The following PHF20 variants were observed in gnomAD, a reference collection of about 807,000 sequenced individuals.
PHF20 encodes PHD finger protein 20.
Under a neutral mutation model 113.5 loss-of-function variants are expected in PHF20, and 23 were observed. The ratio of observed to expected loss-of-function variants is 0.20; its 90% CI spans 0.15 to 0.29. The LOEUF is 0.29. Among genes scored for constraint, PHF20 ranks in the 10% least tolerant of loss-of-function variants. PHF20 has a pLI of 1.00. For missense variants in PHF20, 943 were observed against 1,219.6 expected (o/e 0.77, Z 3.38); for synonymous variants, 434 against 457.3 (o/e 0.95, Z 0.65).
chr20:35,812,574 G>T (rs963271687), intron 2 of PHF20, among the ~76,000 whole-genome samples: 34 of 151,926 alleles, frequency 2.2e-4, no homozygotes, highest in African/African-American at 7.7e-4. Context: ...TCTATTTCCC[G>T]TAAACTGGAA....
intron 1 of PHF20, among the ~76,000 whole-genome samples, chr20:35,794,300 C>CA (rs369191805): frequency 0.1 from 9,870 of 95,578 alleles, 722 homozygotes; most frequent in African/African-American, 0.24. Flanking sequence ...AACTCTGTCT[C>CA]AAAAAAAAAA....
intron 2 of PHF20, among the ~76,000 whole-genome samples, chr20:35,826,156 G>T (rs1234568587): frequency 2.0e-5 from 3 of 152,158 alleles, no homozygotes; most frequent in Non-Finnish European, 4.4e-5. Flanking sequence ...GTGATCTCCT[G>T]CCTCAGCCTC....
At chr20:35,830,306 T>C (rs1452808096) in intron 2 of PHF20, among the ~76,000 whole-genome samples, 1 of 152,226 alleles carries the variant, frequency 6.6e-6, no homozygotes, top group Non-Finnish European at 1.5e-5. Flanking sequence ...ACCTCTATTC[T>C]GCTTTCATTA....
chr20:35,803,684 A>G (rs186484215), intron 2 of PHF20, among the ~76,000 whole-genome samples: 288 of 144,378 alleles, frequency 2.0e-3, no homozygotes, highest in African/African-American at 7.0e-3. Context: ...GTATATATAT[A>G]TGTGTGTGTG....
At chr20:35,854,208 T>A (rs2042789273) in intron 4 of PHF20, among the ~76,000 whole-genome samples, 1 of 152,240 alleles carries the variant, frequency 6.6e-6, no homozygotes, top group Non-Finnish European at 1.5e-5. Context: ...CATCTCAGTT[T>A]TGTTCTTAGA....
intron 1 of PHF20, among the ~76,000 whole-genome samples, chr20:35,791,849 T>C (rs1365074922): frequency 1.3e-5 from 2 of 152,108 alleles, no homozygotes; most frequent in East Asian, 3.8e-4. Flanking sequence ...CCCATGTTTC[T>C]AGTTTGGCAC....
intron 1 of PHF20, among the ~76,000 whole-genome samples, chr20:35,799,291 C>CA (rs35210007): frequency 0.12 from 2,547 of 20,840 alleles, 557 homozygotes; most frequent in South Asian, 0.22. Flanking sequence ...ACTCTCTCTG[C>CA]AAAAAAAAAA....
intron 9 of PHF20, among the ~76,000 whole-genome samples, chr20:35,898,549 C>T (rs371124107): frequency 2.6e-5 from 4 of 152,304 alleles, no homozygotes; most frequent in African/African-American, 9.6e-5. Flanking sequence ...ATTATCGTGC[C>T]TCAGCCTCCC....
chr20:35,846,222 C>T (rs2042621318), intron 3 of PHF20, among the ~76,000 whole-genome samples: 1 of 151,566 alleles, frequency 6.6e-6, no homozygotes, highest in South Asian at 2.1e-4. Context: ...CTGTATCACC[C>T]AGCCTGGAGT....
chr20:35,911,981 C>CTTTT (rs769872982), intron 10 of PHF20, among the ~76,000 whole-genome samples: 5 of 128,346 alleles, frequency 3.9e-5, no homozygotes, highest in Non-Finnish European at 3.4e-5. Flanking sequence ...TTCTTTCTTT[C>CTTTT]TTTTTTTTTT....
At chr20:35,905,824 T>C (rs1040668883) in intron 10 of PHF20, among the ~76,000 whole-genome samples, 4 of 152,230 alleles carry the variant, frequency 2.6e-5, no homozygotes, top group African/African-American at 9.6e-5. Context: ...GTCCCTAAGG[T>C]GCCCCTTCTG....
Position 35,894,547 on chromosome 20 carries a change from C to T in PHF20, c.1283-4823C>T, listed in dbSNP as rs577238377. On this transcript the variant is annotated intron_variant, in intron 9 of 17. Transcript: ENST00000374012. ...GTGAGGCTGTGGGTGGTGGACACTT[C>T]CCCTCTTCTGCTTATGATCAGGTTA... Among the ~76,000 whole-genome samples the T allele has an allele frequency of 3.3e-5, 5 of 152,338 alleles. No homozygotes were observed. In the South Asian group the frequency reaches 1.0e-3, roughly 32 times the overall value.
At chr20:35,780,203 C>A (rs1221535870) in intron 1 of PHF20, among the ~76,000 whole-genome samples, 1 of 151,754 alleles carries the variant, frequency 6.6e-6, no homozygotes, top group Admixed American at 6.6e-5. Flanking sequence ...GGCACTTTGC[C>A]ACCCTCACCC....
intron 17 of PHF20, among the ~76,000 whole-genome samples, chr20:35,942,078 T>C (rs902170417): frequency 4.6e-5 from 7 of 151,984 alleles, no homozygotes; most frequent in African/African-American, 1.7e-4. Context: ...GGTGGGAGGA[T>C]TGCTTGAGGC....
At chr20:35,863,456 C>T (rs568634168) in intron 6 of PHF20, 56 bp downstream of exon 6, 2 of 1,475,976 alleles carry the variant, frequency 1.4e-6, no homozygotes, top group East Asian at 2.3e-5. Context: ...CTTCTGTGGC[C>T]CTTTGTGGTT....
chr20:35,813,589 G>A (rs2042013981), intron 2 of PHF20, among the ~76,000 whole-genome samples: 4 of 152,178 alleles, frequency 2.6e-5, no homozygotes. Flanking sequence ...GCTGGGCACG[G>A]TGGCTCACGC....
intron 4 of PHF20, among the ~76,000 whole-genome samples, chr20:35,850,296 G>GCTTTTTTTTTTTTT (rs2042696113): frequency 1.6e-5 from 1 of 62,322 alleles, no homozygotes; most frequent in Non-Finnish European, 3.3e-5. Context: ...TTCCCCCTCC[G>GCTTTTTTTTTTTTT]TTTTTTTTTT....
chr20:35,888,510 T>A (rs2054780906), intron 9 of PHF20, among the ~76,000 whole-genome samples: 2 of 152,192 alleles, frequency 1.3e-5, no homozygotes, highest in African/African-American at 4.8e-5. Context: ...TACTTGGAAA[T>A]AGTGATTTTC....
intron 2 of PHF20, among the ~76,000 whole-genome samples, chr20:35,815,035 A>C (rs1487058830): frequency 1.3e-5 from 2 of 151,452 alleles, no homozygotes; most frequent in Non-Finnish European, 1.5e-5. Context: ...GTCTCTACTA[A>C]AAATACAAAA....
Sources: gnomAD v4.1 joint callset for allele counts (sites outside exome capture counted in the v4.1 genomes callset) on GRCh38, gnomAD v4.1.1 for gene constraint, MANE v1.5 for transcripts, NCBI Gene and HGNC (gene_info 2026-07-23, HGNC 2026-07-21) for gene names.